CNNM2: variants seen among roughly 807,000 people sequenced by gnomAD.
CNNM2 encodes metal transporter CNNM2.
In CNNM2, 12 loss-of-function variants were observed where a neutral mutation model predicts 66.9. The observed-to-expected ratio is 0.18, with a 90% CI of 0.11 to 0.29. The LOEUF (loss-of-function observed/expected upper bound fraction) is 0.29. Ranked by LOEUF, CNNM2 falls within the 10% of genes least tolerant of loss-of-function variation. The pLI, the probability that CNNM2 is intolerant of heterozygous loss-of-function variation, is 1.00. For synonymous variants in CNNM2, 557 were observed against 501.8 expected, an observed-to-expected ratio of 1.11 and a Z score of -1.47; for missense variants, 705 against 1,167.7, an observed-to-expected ratio of 0.60 and a Z score of 5.77.
chr10:102,919,953 C>T lies in CNNM2; in HGVS notation c.1473C>T (p.Ile491=), dbSNP rs768841980. ...TGTTTGAAGGGGAGCGCTCCAATAT[C>T]GTGGACCTGCTGTTTGTCAAAGACT... ...IPVFEGERSN[I]VDLLFVKDLA... Residue 491 remains isoleucine (I), a synonymous_variant, in exon 1 of 8, where the codon ATC becomes ATT. Transcript: ENST00000369878. 6 of 1,614,210 alleles carry T rather than the reference C, an allele frequency of 3.7e-6. No homozygotes were observed. Among genetic ancestry groups the T allele is most frequent in the Admixed American group, 1.7e-5 (1 of 60,018 alleles).
intron 4 of CNNM2, among the ~76,000 whole-genome samples, chr10:103,058,618 A>G (rs950128478): frequency 6.6e-6 from 1 of 152,234 alleles, no homozygotes; most frequent in Non-Finnish European, 1.5e-5. Context: ...TAAGACATCT[A>G]TGTATATTTA....
At chr10:103,032,318 G>C (rs1035161903) in intron 1 of CNNM2, among the ~76,000 whole-genome samples, 1 of 152,090 alleles carries the variant, frequency 6.6e-6, no homozygotes, top group Non-Finnish European at 1.5e-5. Context: ...GGGCGTGATG[G>C]TGCACATCTG....
chr10:102,986,958 T>C (rs765657539), intron 1 of CNNM2, among the ~76,000 whole-genome samples: 2 of 152,084 alleles, frequency 1.3e-5, no homozygotes, highest in Non-Finnish European at 2.9e-5. Flanking sequence ...TAAATTTCAG[T>C]AGTTGCAGAT....
rs11191531 is a variant in CNNM2 at position 103,047,141 on chromosome 10, G to C, written c.1622-2566G>C. Among the ~76,000 whole-genome samples the C allele has an allele frequency of 0.091, 13,777 of 152,222 alleles. 849 individuals carry two copies. Among genetic ancestry groups the C allele is most frequent in the East Asian group, 0.28 (1,445 of 5,178 alleles). ...TTCAAATAATAGAATTAAGGAAAGG[G>C]AAAAATGAGTAACTTTCCAATGGAG... On this transcript the variant is annotated intron_variant, in intron 1 of 7. Coordinates refer to ENST00000369878, the MANE Select transcript of CNNM2 (RefSeq NM_017649.5).
intron 1 of CNNM2, among the ~76,000 whole-genome samples, chr10:103,029,129 C>T (rs1250996837): frequency 6.6e-6 from 1 of 151,740 alleles, no homozygotes; most frequent in East Asian, 1.9e-4. Flanking sequence ...GCCCCCACTC[C>T]TATTTTCTTA....
At chr10:102,956,846 G>A (rs1444849474) in intron 1 of CNNM2, among the ~76,000 whole-genome samples, 1 of 152,172 alleles carries the variant, frequency 6.6e-6, no homozygotes, top group Non-Finnish European at 1.5e-5. Context: ...GGGAGGGATA[G>A]CATTGGGAGA....
At chr10:102,941,904 T>C (rs1396964589) in intron 1 of CNNM2, among the ~76,000 whole-genome samples, 1 of 152,264 alleles carries the variant, frequency 6.6e-6, no homozygotes, top group Non-Finnish European at 1.5e-5. Flanking sequence ...ACATAGGTGC[T>C]TAATAGATAT....
In CNNM2 at chr10:103,087,053, A is replaced by C. The variant is rs1290980930; in HGVS notation, c.*9873A>C. ...AAGAAGGGGTTGCCTGGTGTTCTACAATGCCTATAGTGTTTTCAAAATGCC... is the reference window on the plus strand; with the variant it reads ...AAGAAGGGGTTGCCTGGTGTTCTACCATGCCTATAGTGTTTTCAAAATGCC... On this transcript the variant is annotated 3_prime_UTR_variant, in exon 8 of 8. Transcript: ENST00000369878. The C allele has an allele frequency of 6.6e-6, 1 of 150,986 alleles. No homozygotes were observed. Among genetic ancestry groups the C allele is most frequent in the Non-Finnish European group, 1.5e-5 (1 of 67,920 alleles). The allele number at this position is 150,986 out of a possible 1,614,324, so 9.4% of individuals were successfully genotyped here.
At position 103,083,726 on chromosome 10, in the gene CNNM2, T is replaced by C. The variant is rs1449426309; in HGVS notation, c.*6546T>C. ...GTATCCAGTCAAATTGCCCCAGACA[T>C]TGGCTGCTCAGTCACTAATAACAAC... is the stretch of plus-strand genomic sequence containing the variant. On this transcript the variant is annotated 3_prime_UTR_variant, in exon 8 of 8. Coordinates refer to ENST00000369878, the MANE Select transcript of CNNM2 (RefSeq NM_017649.5). 6.6e-6 allele frequency: 1 copy of C among 152,196 alleles called. No homozygotes were observed. Among genetic ancestry groups the C allele is most frequent in the Non-Finnish European group, 1.5e-5 (1 of 68,044 alleles). The allele number at this position is 152,196 out of a possible 1,614,324, so 9.4% of individuals were successfully genotyped here. A position where few individuals can be genotyped will look rare whatever the true frequency, so the allele number is the denominator to read the frequency against.
At chr10:102,998,894 A>C (rs1441707924) in intron 1 of CNNM2, among the ~76,000 whole-genome samples, 1 of 152,028 alleles carries the variant, frequency 6.6e-6, no homozygotes, top group African/African-American at 2.4e-5. Flanking sequence ...AATATTAAAA[A>C]ATCACTTATT....
intron 7 of CNNM2, 83 bp from the exon 8 acceptor site, chr10:103,076,887 TG>T: frequency 8.1e-7 from 1 of 1,230,646 alleles, no homozygotes; most frequent in Non-Finnish European, 1.2e-6. Flanking sequence ...GCTGTGGGCC[TG>T]TCGGGATTGA....
In CNNM2 at chr10:102,951,834, G is replaced by A. The variant is rs559886381; in HGVS notation, c.1621+31733G>A. ...TTTTTTTTTTTGAGACAGGAATTTC[G>A]CTCTTGTTGCCCAGGCTGGAGTGCA... On this transcript the variant is annotated intron_variant, in intron 1 of 7. Coordinates refer to ENST00000369878, the MANE Select transcript of CNNM2 (RefSeq NM_017649.5). Among the ~76,000 whole-genome samples the A allele has an allele frequency of 5.4e-5, 8 of 149,048 alleles. No homozygotes were observed. In the South Asian group the frequency reaches 6.4e-4, roughly 12 times the overall value.
intron 1 of CNNM2, among the ~76,000 whole-genome samples, chr10:102,961,079 T>C (rs1005567710): frequency 6.6e-6 from 1 of 151,784 alleles, no homozygotes; most frequent in Non-Finnish European, 1.5e-5. Flanking sequence ...GGTTTCACCG[T>C]GTTGGCCAGG....
chr10:102,961,622 A>G (rs970149486), intron 1 of CNNM2, among the ~76,000 whole-genome samples: 4 of 152,300 alleles, frequency 2.6e-5, no homozygotes, highest in Non-Finnish European at 5.9e-5. Flanking sequence ...TAATTATAAA[A>G]TTTCAAAATT....
chr10:103,070,928 T>C (rs573134577), intron 5 of CNNM2, among the ~76,000 whole-genome samples: 16 of 152,222 alleles, frequency 1.1e-4, no homozygotes, highest in African/African-American at 3.9e-4. Flanking sequence ...AGAATCCATC[T>C]GAAACTAAAA....
intron 1 of CNNM2, among the ~76,000 whole-genome samples, chr10:103,034,335 A>AAAAACAAAAC (rs61454390): frequency 6.7e-6 from 1 of 148,532 alleles, no homozygotes; most frequent in Non-Finnish European, 1.5e-5. Flanking sequence ...TTTTGGTTTT[A>AAAAACAAAAC]AAAACAAAAC....
Position 103,004,121 on chromosome 10 carries a change from G to T in CNNM2, c.1622-45586G>T, listed in dbSNP as rs1454189039. 4.6e-5 allele frequency among the ~76,000 whole-genome samples: 4 copies of T among 86,652 alleles called. No individual in the cohort carries two copies. In the East Asian group the frequency reaches 1.1e-3, roughly 24 times the overall value. 56.8% of individuals were successfully genotyped at this position (86,652 alleles called of 152,430 possible). A position where few individuals can be genotyped will look rare whatever the true frequency, so the allele number is the denominator to read the frequency against. On this transcript the variant is annotated intron_variant, in intron 1 of 7. Transcript: ENST00000369878. ...GGGTTCAAGCGATTCTCCTACCTCAGCCTCCCAAGTAGCTGGAATTACAGG... is the reference window on the plus strand; with the variant it reads ...GGGTTCAAGCGATTCTCCTACCTCATCCTCCCAAGTAGCTGGAATTACAGG...
At chr10:103,068,511 C>G in intron 4 of CNNM2, 118 bp from the exon 5 acceptor site, 1 of 824,730 alleles carries the variant, frequency 1.2e-6, no homozygotes, top group Non-Finnish European at 2.1e-6. Context: ...GCTTTACTCC[C>G]TCGATAGTGT....
At chr10:103,009,251 G>C (rs2064289568) in intron 1 of CNNM2, among the ~76,000 whole-genome samples, 1 of 152,040 alleles carries the variant, frequency 6.6e-6, no homozygotes, top group South Asian at 2.1e-4. Flanking sequence ...TTCCAGCCTG[G>C]GCAACAAGAT....
Sources: allele counts gnomAD v4.1 joint callset (sites outside exome capture counted in the v4.1 genomes callset), GRCh38; gene constraint gnomAD v4.1.1; transcripts MANE v1.5; gene names NCBI Gene and HGNC (gene_info 2026-07-23, HGNC 2026-07-21).